The following CNOT9 variants were observed in gnomAD, a reference collection of about 807,000 sequenced individuals.
CNOT9 encodes the protein RCD1 required for cell differentiation1 homolog.
A neutral mutation model predicts 37.4 loss-of-function variants in CNOT9; 8 were observed. That is an observed-to-expected ratio of 0.21 (90% CI 0.13 to 0.39). The LOEUF is 0.39. Among genes scored for constraint, CNOT9 ranks in the 10% least tolerant of loss-of-function variants. CNOT9 has a pLI of 1.00. For missense variants in CNOT9, 154 were observed against 365.3 expected (o/e 0.42, Z 4.71); for synonymous variants, 120 against 137.6 (o/e 0.87, Z 0.90).
At chr2:218,579,611 A>T (rs2106084901) in intron 1 of CNOT9, among the ~76,000 whole-genome samples, 1 of 149,622 alleles carries the variant, frequency 6.7e-6, no homozygotes, top group East Asian at 2.0e-4. Context: ...CTCAGCCTCC[A>T]GAGTAGCTGG....
At chr2:218,589,874 A>G (rs1694717781) in intron 5 of CNOT9, among the ~76,000 whole-genome samples, 2 of 152,188 alleles carry the variant, frequency 1.3e-5, no homozygotes, top group Admixed American at 6.6e-5. Flanking sequence ...TTGTTGAGCA[A>G]AAGAAGCCAG....
chr2:218,586,344 C>T (rs1574994224), intron 4 of CNOT9, among the ~76,000 whole-genome samples: 1 of 152,124 alleles, frequency 6.6e-6, no homozygotes, highest in African/African-American at 2.4e-5. Flanking sequence ...GGTTAGTATT[C>T]TTCTAAGAAG....
intron 5 of CNOT9, among the ~76,000 whole-genome samples, chr2:218,588,044 G>A (rs1001993513): frequency 1.3e-5 from 2 of 151,890 alleles, no homozygotes; most frequent in African/African-American, 2.4e-5. Context: ...TGCTTACTAT[G>A]TACTTTAACC....
At chr2:218,581,406 G>A (rs1269189698) in intron 2 of CNOT9, among the ~76,000 whole-genome samples, 4 of 151,228 alleles carry the variant, frequency 2.6e-5, no homozygotes, top group African/African-American at 4.9e-5. Context: ...TCCTGACCTC[G>A]TGATCCACCC....
chr2:218,580,495 T>G, intron 1 of CNOT9, 66 bp from the exon 2 acceptor site: 1 of 1,361,494 alleles, frequency 7.3e-7, no homozygotes, highest in East Asian at 2.4e-5. Context: ...TCTAAAACTC[T>G]GTTGCAGGGT....
intron 1 of CNOT9, 70 bp from the exon 2 acceptor site, chr2:218,580,491 A>T (rs1444332176): frequency 1.5e-6 from 2 of 1,318,212 alleles, no homozygotes; most frequent in Non-Finnish European, 2.1e-6. Flanking sequence ...TTCCTCTAAA[A>T]CTCTGTTGCA....
intron 5 of CNOT9, among the ~76,000 whole-genome samples, chr2:218,588,232 T>C (rs1397676904): frequency 1.3e-5 from 2 of 152,044 alleles, no homozygotes; most frequent in Non-Finnish European, 2.9e-5. Context: ...CTTTTTTGTG[T>C]GGTTACCTAC....
intron 4 of CNOT9, 91 bp downstream of exon 4, chr2:218,584,812 A>G: frequency 1.1e-6 from 1 of 878,690 alleles, no homozygotes. Context: ...ATTTTTGTAC[A>G]CCAGTCATTC....
intron 1 of CNOT9, among the ~76,000 whole-genome samples, chr2:218,579,721 T>G (rs1277344976): frequency 6.6e-6 from 1 of 152,118 alleles, no homozygotes; most frequent in East Asian, 1.9e-4. Context: ...TCTCCTGACT[T>G]CATGATCCAC....
At chr2:218,593,118 A>G in intron 7 of CNOT9, 1 of 228,600 alleles carries the variant, frequency 4.4e-6, no homozygotes. Context: ...AAGTTTCTTG[A>G]GCTAATTATT....
chr2:218,579,263 T>C (rs1694282462), intron 1 of CNOT9, among the ~76,000 whole-genome samples: 1 of 152,226 alleles, frequency 6.6e-6, no homozygotes, highest in African/African-American at 2.4e-5. Flanking sequence ...TCTAGAAATG[T>C]TATATGTAAA....
At chr2:218,588,253 T>A (rs1168905621) in intron 5 of CNOT9, among the ~76,000 whole-genome samples, 1 of 152,056 alleles carries the variant, frequency 6.6e-6, no homozygotes, top group East Asian at 1.9e-4. Flanking sequence ...AAGTGTCTTT[T>A]ATTATTTTTA....
chr2:218,594,960 C>G lies in CNOT9; in HGVS notation c.*684C>G, dbSNP rs1559252873. 1 of 152,208 alleles carries G rather than the reference C, an allele frequency of 6.6e-6. No individual in the cohort carries two copies. The highest frequency in any genetic ancestry group is 6.5e-5 in the Admixed American group (1 of 15,276). The allele number at this position is 152,208 out of a possible 1,614,324, so 9.4% of individuals were successfully genotyped here. A position where few individuals can be genotyped will look rare whatever the true frequency, so the allele number is the denominator to read the frequency against. Reference sequence around the variant, plus strand: ...GGAGGGCAGGGGAAAGATGTAAAGCCAAAGTACAGCAGGAACCCACCACCT... The same window carrying G: ...GGAGGGCAGGGGAAAGATGTAAAGCGAAAGTACAGCAGGAACCCACCACCT... On this transcript the variant is annotated 3_prime_UTR_variant, in exon 8 of 8. Coordinates refer to ENST00000273064, the MANE Select transcript of CNOT9 (RefSeq NM_005444.3).
chr2:218,594,155 C>T lies in CNOT9; in HGVS notation c.779C>T (p.Thr260Ile). The change falls in exon 8 of 8, where the codon ACA (threonine) becomes ATA (isoleucine). Residue 260 changes from threonine (T) to isoleucine (I), a missense_variant. Physicochemically the swap from Thr to Ile is moderately conservative, Grantham distance 89 (BLOSUM62 -1). Transcript: ENST00000273064. ...RQCLPDQLKD[T>I]TFAQVLKDDT... ...TGCCTCCCTGACCAGCTGAAAGACACAACCTTCGCCCAGGTGCTAAAAGAT... is the reference window on the plus strand; with the variant it reads ...TGCCTCCCTGACCAGCTGAAAGACATAACCTTCGCCCAGGTGCTAAAAGAT... The T allele has an allele frequency of 6.2e-7, 1 of 1,614,254 alleles. No homozygotes were observed.
At chr2:218,584,447 T>C (rs1191791633) in intron 3 of CNOT9, among the ~76,000 whole-genome samples, 165 bp from the exon 4 acceptor site, 1 of 152,184 alleles carries the variant, frequency 6.6e-6, no homozygotes, top group Non-Finnish European at 1.5e-5. Flanking sequence ...TTTACCCCAT[T>C]TGAGAACCAT....
In CNOT9 at chr2:218,594,363, C is replaced by A. The variant is rs1468842998; in HGVS notation, c.*87C>A. The A allele has an allele frequency of 5.7e-6, 8 of 1,404,102 alleles. No homozygotes were observed. The African/African-American group carries it at 1.0e-4, about 18-fold the overall frequency. 87.0% of individuals were successfully genotyped at this position (1,404,102 alleles called of 1,614,324 possible). On this transcript the variant is annotated 3_prime_UTR_variant, in exon 8 of 8. Transcript: ENST00000273064. The stretch of plus-strand genomic sequence containing the variant: ...AAAACAGCTCAGGTTTTATCACCGA[C>A]TGGGAATAGACAACCTCAATGCTGA...
In CNOT9 at chr2:218,568,852, A is replaced by G. The variant is rs1328437333; in HGVS notation, c.-103A>G. Reference sequence around the variant, plus strand: ...AGTGGGCGGAGCGAGCCGGAGTCGGATGGCGGCTACGGCGGCTCATTGTTT... The same window carrying G: ...AGTGGGCGGAGCGAGCCGGAGTCGGGTGGCGGCTACGGCGGCTCATTGTTT... On this transcript the variant is annotated 5_prime_UTR_variant, in exon 1 of 8. An upstream start codon of the reference 5' UTR is lost. Transcript: ENST00000273064. 3.7e-6 allele frequency: 5 copies of G among 1,359,202 alleles called. No homozygotes were observed. Among genetic ancestry groups the G allele is most frequent in the Non-Finnish European group, 4.1e-6 (4 of 981,176 alleles). The allele number at this position is 1,359,202 out of a possible 1,614,324, so 84.2% of individuals were successfully genotyped here. A position where few individuals can be genotyped will look rare whatever the true frequency, so the allele number is the denominator to read the frequency against.
Position 218,592,402 on chromosome 2 carries a change from G to A in CNOT9, c.639G>A (p.Leu213=). 2 of 1,611,328 alleles carry A rather than the reference G, an allele frequency of 1.2e-6. No individual in the cohort carries two copies. The highest frequency in any genetic ancestry group is 1.3e-5 in the African/African-American group (1 of 74,970). The change falls in exon 6 of 8, where the codon TTG becomes TTA. Residue 213 remains leucine, a splice_region_variant and synonymous_variant. Transcript: ENST00000273064. This position sits in a 1 kb window ranked among gnomAD's most constrained non-coding sequence, Gnocchi z 4.1. The part of the protein sequence containing the change: ...YERFSHVAMI[L]GKMVLQLSKE... ...GTTTCTCCCATGTTGCCATGATCTTGGTGAGTTCTTTCATCTATCCCCTTT... is the reference window on the plus strand; with the variant it reads ...GTTTCTCCCATGTTGCCATGATCTTAGTGAGTTCTTTCATCTATCCCCTTT...
At chr2:218,584,291 G>A (rs1360062495) in intron 3 of CNOT9, among the ~76,000 whole-genome samples, 3 of 152,182 alleles carry the variant, frequency 2.0e-5, no homozygotes, top group Admixed American at 2.0e-4. Context: ...AAAGGAGAGG[G>A]CAGGAGAGGA....
Sources: gnomAD v4.1 joint callset for allele counts (sites outside exome capture counted in the v4.1 genomes callset) on GRCh38, gnomAD v4.1.1 for gene constraint, Gnocchi (gnomAD v3.1) non-coding constraint, MANE v1.5 for transcripts, NCBI Gene and HGNC (gene_info 2026-07-23, HGNC 2026-07-21) for gene names.